Variants in ACOT12 observed in about 807,000 individuals in gnomAD.
ACOT12 encodes acetyl-coenzyme A thioesterase.
In ACOT12, 51 loss-of-function variants were observed where a neutral mutation model predicts 67.7. That is an observed-to-expected ratio of 0.75 (90% CI 0.60 to 0.95). The LOEUF (loss-of-function observed/expected upper bound fraction) is 0.95, where lower values mean the gene tolerates loss of function less well. ACOT12 is among the 40% of genes least tolerant of loss of function. The pLI is 0.00. For synonymous variants in ACOT12, 251 were observed against 244.6 expected, an observed-to-expected ratio of 1.03 and a Z score of -0.24; for missense variants, 734 against 708.1, an observed-to-expected ratio of 1.04 and a Z score of -0.41.
At chr5:81,333,331 A>G (rs1442990100) in intron 12 of ACOT12, among the ~76,000 whole-genome samples, 1 of 152,220 alleles carries the variant, frequency 6.6e-6, no homozygotes, top group African/African-American at 2.4e-5. Context: ...TGGAAACCGC[A>G]CTAGCTTTGG....
chr5:81,317,880 G>A, the ACOT12 span, among the ~76,000 whole-genome samples: 7 of 147,740 alleles, frequency 4.7e-5, no homozygotes, highest in Admixed American at 4.9e-4. Flanking sequence ...TTATACTTAG[G>A]TTCACAATTT....
chr5:81,313,890 T>A, the ACOT12 span, among the ~76,000 whole-genome samples: 1 of 152,286 alleles, frequency 6.6e-6, no homozygotes, highest in South Asian at 2.1e-4. Flanking sequence ...AAATGAGTGC[T>A]ATTTAGAAGG....
intron 3 of ACOT12, among the ~76,000 whole-genome samples, chr5:81,365,937 C>G (rs1760064492): frequency 6.6e-6 from 1 of 152,192 alleles, no homozygotes; most frequent in Non-Finnish European, 1.5e-5. Flanking sequence ...TTGATACTAA[C>G]TGGACCATAT....
At chr5:81,348,643 C>A (rs533978717) in intron 5 of ACOT12, among the ~76,000 whole-genome samples, 1 of 152,218 alleles carries the variant, frequency 6.6e-6, no homozygotes, top group Non-Finnish European at 1.5e-5. Context: ...CAGCTCACTG[C>A]AACCTCAGCC....
Position 81,332,624 on chromosome 5 carries a change from G to T in ACOT12, c.1263-19C>A, listed in dbSNP as rs1463545001. On this transcript the variant is annotated intron_variant, in intron 12 of 14. Transcript: ENST00000307624. ...ACAGGACCTGTGTATATAGAACAGT[G>T]AAAAGCAGGTATACTTTCTACCTGC... 3.7e-6 allele frequency: 6 copies of T among 1,613,106 alleles called. No individual in the cohort carries two copies. The South Asian group carries it at 6.6e-5, about 18-fold the overall frequency.
intron 2 of ACOT12, among the ~76,000 whole-genome samples, chr5:81,375,785 G>T (rs1561348048): frequency 6.6e-6 from 1 of 151,950 alleles, no homozygotes; most frequent in East Asian, 1.9e-4. Context: ...AACAAGAAGA[G>T]TAACTATCCT....
chr5:81,340,055 TG>T (rs1355916985), intron 11 of ACOT12, among the ~76,000 whole-genome samples: 1 of 151,564 alleles, frequency 6.6e-6, no homozygotes, highest in Non-Finnish European at 1.5e-5. Context: ...TTTTTTTTTT[TG>T]ATATAGGGTC....
chr5:81,316,442 T>C, the ACOT12 span, among the ~76,000 whole-genome samples: 3 of 152,242 alleles, frequency 2.0e-5, no homozygotes, highest in Non-Finnish European at 2.9e-5. Context: ...TCAGTTAACA[T>C]GATGTTTTCA....
intron 3 of ACOT12, among the ~76,000 whole-genome samples, chr5:81,367,379 C>T (rs985999953): frequency 6.6e-6 from 1 of 152,118 alleles, no homozygotes; most frequent in African/African-American, 2.4e-5. Flanking sequence ...GGGTTTACCT[C>T]CTACATATGT....
At chr5:81,340,245 C>T (rs1287762657) in intron 11 of ACOT12, among the ~76,000 whole-genome samples, 1 of 152,146 alleles carries the variant, frequency 6.6e-6, no homozygotes, top group African/African-American at 2.4e-5. Flanking sequence ...CCATGTTGGT[C>T]AGGCTGGTCT....
chr5:81,332,651 C>T, intron 12 of ACOT12, 46 bp from the exon 13 acceptor site: 2 of 1,606,438 alleles, frequency 1.2e-6, no homozygotes, highest in Non-Finnish European at 1.7e-6. Flanking sequence ...TCTACCTGCT[C>T]AGGCATTCAC....
At chr5:81,309,828 A>G in the ACOT12 span, among the ~76,000 whole-genome samples, 3 of 152,178 alleles carry the variant, frequency 2.0e-5, no homozygotes, top group Admixed American at 1.3e-4. Context: ...CAGTTTTTCA[A>G]TTTTAATCTC....
intron 5 of ACOT12, among the ~76,000 whole-genome samples, chr5:81,349,073 G>A (rs1169988635): frequency 6.6e-6 from 1 of 152,182 alleles, no homozygotes; most frequent in African/African-American, 2.4e-5. Flanking sequence ...GGACACCATC[G>A]TGGCTGTACT....
chr5:81,348,844 G>A (rs1368942868), intron 5 of ACOT12, among the ~76,000 whole-genome samples: 1 of 152,226 alleles, frequency 6.6e-6, no homozygotes, highest in Non-Finnish European at 1.5e-5. Context: ...GAATACAGGC[G>A]TGAGCCACCG....
chr5:81,370,053 T>A (rs1015108246), intron 3 of ACOT12, among the ~76,000 whole-genome samples: 5 of 152,236 alleles, frequency 3.3e-5, no homozygotes, highest in South Asian at 2.1e-4. Context: ...GAGGCCAAGG[T>A]GGGCAGATCA....
At chr5:81,319,496 T>A in the ACOT12 span, among the ~76,000 whole-genome samples, 1 of 152,132 alleles carries the variant, frequency 6.6e-6, no homozygotes, top group African/African-American at 2.4e-5. Context: ...GGCGGGCGGA[T>A]TATCTGAGGT....
the ACOT12 span, among the ~76,000 whole-genome samples, chr5:81,315,322 GC>G: frequency 6.6e-6 from 1 of 152,034 alleles, no homozygotes; most frequent in African/African-American, 2.4e-5. Context: ...CCCATGGCCA[GC>G]CCCCCATCCC....
chr5:81,360,214 T>G (rs574564724), intron 4 of ACOT12, among the ~76,000 whole-genome samples, 176 bp from the exon 5 acceptor site: 3 of 152,302 alleles, frequency 2.0e-5, no homozygotes, highest in African/African-American at 7.2e-5. Flanking sequence ...ATTTTTAAAC[T>G]AAAAAAATCA....
chr5:81,341,759 C>A lies in ACOT12; in HGVS notation c.1128+913G>T, dbSNP rs1308723238. On this transcript the variant is annotated intron_variant, in intron 11 of 14. Transcript: ENST00000307624. Reference sequence around the variant, plus strand: ...CTCTGAAAATAGATAAAATTATGATCCAAATGATGTATGTCTCTTTAAACC... The same window carrying A: ...CTCTGAAAATAGATAAAATTATGATACAAATGATGTATGTCTCTTTAAACC... Among the ~76,000 whole-genome samples, 4 of 152,110 alleles carry A rather than the reference C, an allele frequency of 2.6e-5. No homozygotes were observed. The East Asian group carries it at 7.7e-4, about 29-fold the overall frequency.
Sources: gnomAD v4.1 joint callset for allele counts (sites outside exome capture counted in the v4.1 genomes callset) on GRCh38, gnomAD v4.1.1 for gene constraint, MANE v1.5 for transcripts, NCBI Gene and HGNC (gene_info 2026-07-23, HGNC 2026-07-21) for gene names.